The following IPO9 variants were observed in gnomAD, a reference collection of about 807,000 sequenced individuals.
IPO9 encodes the protein importin-9.
IPO9 carries 28 observed loss-of-function variants against 128.6 expected under a neutral mutation model. The ratio of observed to expected loss-of-function variants is 0.22; its 90% CI spans 0.16 to 0.30. The LOEUF is 0.30. Among genes scored for constraint, IPO9 ranks in the 10% least tolerant of loss-of-function variants. The pLI, the probability that IPO9 is intolerant of heterozygous loss-of-function variation, is 1.00. For missense variants in IPO9, 935 were observed against 1,293.9 expected (o/e 0.72, Z 4.26); for synonymous variants, 455 against 475.8 (o/e 0.96, Z 0.57).
At position 201,869,679 on chromosome 1, in the gene IPO9, A is replaced by G. The variant is rs1398678589; in HGVS notation, c.2094A>G (p.Ala698=). 4.3e-6 allele frequency: 7 copies of G among 1,614,062 alleles called. No homozygotes were observed. Among genetic ancestry groups the G allele is most frequent in the Non-Finnish European group, 5.9e-6 (7 of 1,180,030 alleles). The change falls in exon 17 of 24, where the codon GCA becomes GCG. Residue 698 remains alanine, a synonymous_variant. Coordinates refer to ENST00000361565, the MANE Select transcript of IPO9 (RefSeq NM_018085.5). ...LLICQAFPAV[A]QCTLHTDDNA... Reference sequence around the variant, plus strand: ...TCTGCCAAGCTTTCCCTGCTGTGGCACAGTGTACCCTTCACACAGATGACA... The same window carrying G: ...TCTGCCAAGCTTTCCCTGCTGTGGCGCAGTGTACCCTTCACACAGATGACA...
intron 1 of IPO9, among the ~76,000 whole-genome samples, chr1:201,839,764 G>T (rs1680002706): frequency 6.6e-6 from 1 of 151,958 alleles, no homozygotes; most frequent in Non-Finnish European, 1.5e-5. Flanking sequence ...TTCTAAATAT[G>T]ACTCAAGATC....
intron 1 of IPO9, among the ~76,000 whole-genome samples, chr1:201,839,560 C>CA (rs4025036): frequency 0.074 from 2,333 of 31,488 alleles, 139 homozygotes; most frequent in African/African-American, 0.12. Context: ...GACTCCATCT[C>CA]AAAAAAAAAA....
In IPO9 at chr1:201,871,376, C is replaced by CTTT. The variant is rs556986429; in HGVS notation, c.2576+77_2576+79dup. 715 of 149,264 alleles carry CTTT rather than the reference C, an allele frequency of 4.8e-3. 97 individuals are homozygous for CTTT. Among genetic ancestry groups the CTTT allele is most frequent in the African/African-American group, 0.032 (475 of 14,960 alleles). The allele number at this position is 149,264 out of a possible 1,614,324, so 9.2% of individuals were successfully genotyped here. The stretch of plus-strand genomic sequence containing the variant: ...GGGCATTCTGCCACCACTCATATTT[C>CTTT]TTTTTTTTTTTTTTTTTTTTTTTTT... On this transcript the variant is annotated intron_variant, in intron 19 of 23. Transcript: ENST00000361565.
chr1:201,839,005 C>T (rs572162955), intron 1 of IPO9, among the ~76,000 whole-genome samples: 43 of 146,640 alleles, frequency 2.9e-4, no homozygotes, highest in Middle Eastern at 7.6e-3. Context: ...CTGCAACCTC[C>T]GCCTCCTGGA....
At chr1:201,831,995 G>T (rs933522073) in intron 1 of IPO9, among the ~76,000 whole-genome samples, 4 of 150,140 alleles carry the variant, frequency 2.7e-5, no homozygotes, top group African/African-American at 9.8e-5. Flanking sequence ...TCCGCCTCCT[G>T]GGTTCAAGCA....
rs761881435 is a variant in IPO9, at chr1:201,883,650, G to C, written c.*7596G>C. 1 of 152,152 alleles carries C rather than the reference G, an allele frequency of 6.6e-6. No individual in the cohort carries two copies. Among genetic ancestry groups the C allele is most frequent in the Non-Finnish European group, 1.5e-5 (1 of 68,052 alleles). The allele number at this position is 152,152 out of a possible 1,614,324, so 9.4% of individuals were successfully genotyped here. A position where few individuals can be genotyped will look rare whatever the true frequency, so the allele number is the denominator to read the frequency against. On this transcript the variant is annotated 3_prime_UTR_variant, in exon 24 of 24. Transcript: ENST00000361565. Reference sequence around the variant, plus strand: ...GGCTCACCTCAATGTTTTGCACTGTGTGAGACCCCAGGACCTTTTCGTGAT... The same window carrying C: ...GGCTCACCTCAATGTTTTGCACTGTCTGAGACCCCAGGACCTTTTCGTGAT...
At position 201,870,476 on chromosome 1, in the gene IPO9, G is replaced by A. The variant is rs906982433; in HGVS notation, c.2134-107G>A. 116 of 1,267,930 alleles carry A rather than the reference G, an allele frequency of 9.1e-5. No individual in the cohort carries two copies. Among genetic ancestry groups the A allele is most frequent in the Non-Finnish European group, 1.1e-4 (106 of 929,522 alleles). The allele number at this position is 1,267,930 out of a possible 1,614,324, so 78.5% of individuals were successfully genotyped here. A position where few individuals can be genotyped will look rare whatever the true frequency, so the allele number is the denominator to read the frequency against. On this transcript the variant is annotated intron_variant, in intron 17 of 23. Transcript: ENST00000361565. This position sits in a 1 kb window ranked among gnomAD's most constrained non-coding sequence, Gnocchi z 4.9. Reference sequence around the variant, plus strand: ...CCACCACAAACATTATAGACTCACCGCTTTTATGAGGCATAGGCCTCTGGG... The same window carrying A: ...CCACCACAAACATTATAGACTCACCACTTTTATGAGGCATAGGCCTCTGGG...
At chr1:201,855,982 A>T in intron 10 of IPO9, 48 bp downstream of exon 10, 1 of 1,435,198 alleles carries the variant, frequency 7.0e-7, no homozygotes, top group Non-Finnish European at 9.4e-7. Context: ...TGGAAAGTGC[A>T]ACTTGAAGAA....
intron 1 of IPO9, among the ~76,000 whole-genome samples, chr1:201,839,491 G>A (rs989111671): frequency 1.3e-5 from 2 of 150,740 alleles, no homozygotes; most frequent in African/African-American, 4.9e-5. Flanking sequence ...AACCTGGGAG[G>A]CGGAGCTTGC....
chr1:201,829,457 C>T (rs1571533315), intron 1 of IPO9, 85 bp downstream of exon 1: 4 of 1,342,320 alleles, frequency 3.0e-6, no homozygotes, highest in Non-Finnish European at 3.9e-6. Flanking sequence ...ACATGGGGAG[C>T]CTGAGCCAGT....
chr1:201,839,211 C>T (rs541158408), intron 1 of IPO9, among the ~76,000 whole-genome samples: 3 of 149,852 alleles, frequency 2.0e-5, no homozygotes, highest in Admixed American at 1.3e-4. Context: ...TGAGCCACTG[C>T]GCCCAGCCTA....
intron 10 of IPO9, 115 bp downstream of exon 10, chr1:201,856,049 A>C: frequency 1.2e-6 from 1 of 804,894 alleles, no homozygotes; most frequent in Non-Finnish European, 1.9e-6. Flanking sequence ...AAAAAGAATA[A>C]TTTCATGTGA....
chr1:201,872,300 C>T (rs1311056262), intron 19 of IPO9, among the ~76,000 whole-genome samples: 2 of 152,108 alleles, frequency 1.3e-5, no homozygotes, highest in Admixed American at 6.5e-5. Context: ...TTCTTATCAC[C>T]TCGTTGCACC....
At chr1:201,847,499 T>C (rs1379140252) in intron 2 of IPO9, 53 bp from the exon 3 acceptor site, 3 of 1,490,764 alleles carry the variant, frequency 2.0e-6, no homozygotes, top group East Asian at 2.3e-5. Context: ...ATAGTTTTTA[T>C]GTGTGAAAAA....
chr1:201,830,339 A>C (rs941617617), intron 1 of IPO9, among the ~76,000 whole-genome samples: 4 of 152,238 alleles, frequency 2.6e-5, no homozygotes, highest in African/African-American at 9.6e-5. Context: ...TCACACACCC[A>C]TCATATTCAA....
At chr1:201,857,776 CAA>C (rs77533546) in intron 11 of IPO9, among the ~76,000 whole-genome samples, 44,624 of 139,126 alleles carry the variant, frequency 0.32, 7,302 homozygotes, top group Middle Eastern at 0.45. Context: ...GCCTGGGCGA[CAA>C]GAGTGAAACT....
chr1:201,854,981 C>G, intron 8 of IPO9, 58 bp downstream of exon 8: 3 of 1,435,628 alleles, frequency 2.1e-6, no homozygotes, highest in South Asian at 1.3e-5. Context: ...GAATCTCGCA[C>G]TGGGTTTCAC....
At chr1:201,872,105 G>A (rs897106503) in intron 19 of IPO9, among the ~76,000 whole-genome samples, 5 of 152,056 alleles carry the variant, frequency 3.3e-5, no homozygotes, top group Admixed American at 2.6e-4. Context: ...TGTGGTTGTG[G>A]GTGCCTGTAA....
At chr1:201,868,861 A>G in intron 16 of IPO9, 65 bp downstream of exon 16, 3 of 1,502,604 alleles carry the variant, frequency 2.0e-6, no homozygotes, top group Non-Finnish European at 1.8e-6. Context: ...CCACAGATGC[A>G]TCTAGCTGAC....
Sources: allele counts gnomAD v4.1 joint callset (sites outside exome capture counted in the v4.1 genomes callset), GRCh38; gene constraint gnomAD v4.1.1; non-coding constraint Gnocchi (gnomAD v3.1); transcripts MANE v1.5; gene names NCBI Gene and HGNC (gene_info 2026-07-23, HGNC 2026-07-21).